EYA1: variants seen among roughly 807,000 people sequenced by gnomAD.
The protein encoded by EYA1 is EYA transcriptional coactivator and phosphatase 1.
In EYA1, 16 loss-of-function variants were observed where a neutral mutation model predicts 82.0. That is an observed-to-expected ratio of 0.20 (90% CI 0.13 to 0.30). EYA1 has a LOEUF of 0.30. Among genes scored for constraint, EYA1 ranks in the 10% least tolerant of loss-of-function variants. EYA1 has a pLI of 1.00. For missense variants in EYA1, 633 were observed against 730.7 expected (o/e 0.87, Z 1.54); for synonymous variants, 261 against 264.4 (o/e 0.99, Z 0.12).
chr8:71,344,549 A>G (rs1221772050), intron 3 of EYA1, among the ~76,000 whole-genome samples: 1 of 152,218 alleles, frequency 6.6e-6, no homozygotes, highest in African/African-American at 2.4e-5. Context: ...TGCTAAATAC[A>G]TAGTCCATGA....
chr8:71,452,676 C>T lies in EYA1; in HGVS notation c.33+83068G>A, dbSNP rs183413063. ...GCAAACAGGGTCTGGAGTGGACCTC[C>T]AGCAAACTCCAATAGACCTGCAGCT... On this transcript the variant is annotated intron_variant, in intron 2 of 18. Coordinates refer to the EYA1 transcript ENST00000643681. Among the ~76,000 whole-genome samples the T allele has an allele frequency of 3.9e-3, 601 of 152,310 alleles. 4 individuals carry two copies. Among genetic ancestry groups the T allele is most frequent in the African/African-American group, 0.014 (585 of 41,578 alleles).
intron 2 of EYA1, among the ~76,000 whole-genome samples, chr8:71,493,780 T>C (rs1039217008): frequency 2.6e-5 from 4 of 151,150 alleles, no homozygotes; most frequent in African/African-American, 4.8e-5. Flanking sequence ...TCCCAGCACT[T>C]TGGGAGGCCG....
At chr8:71,329,947 T>C (rs1182854686) in intron 4 of EYA1, among the ~76,000 whole-genome samples, 4 of 151,808 alleles carry the variant, frequency 2.6e-5, no homozygotes, top group Admixed American at 2.0e-4. Flanking sequence ...GTGGTCAGGG[T>C]GGGCCTCGAT....
chr8:71,347,729 T>A (rs1586486576), intron 3 of EYA1, among the ~76,000 whole-genome samples: 1 of 152,124 alleles, frequency 6.6e-6, no homozygotes, highest in East Asian at 1.9e-4. Flanking sequence ...AATACAATGA[T>A]GAAATGGGTA....
At chr8:71,336,292 C>T (rs919772742) in intron 3 of EYA1, among the ~76,000 whole-genome samples, 4 of 152,194 alleles carry the variant, frequency 2.6e-5, no homozygotes, top group African/African-American at 7.2e-5. Context: ...GAGTGGAAAG[C>T]GAAGTCCCTG....
intron 2 of EYA1, among the ~76,000 whole-genome samples, chr8:71,378,773 G>C (rs765592194): frequency 6.6e-5 from 10 of 152,088 alleles, no homozygotes; most frequent in Non-Finnish European, 1.2e-4. Flanking sequence ...ACATCCTAAA[G>C]TCATAGACAT....
intron 9 of EYA1, among the ~76,000 whole-genome samples, chr8:71,274,890 G>A (rs1816948697): frequency 1.3e-5 from 2 of 151,716 alleles, no homozygotes; most frequent in South Asian, 2.1e-4. Context: ...GTGAGCGAGC[G>A]AGAGAGAGAG....
In EYA1 at chr8:71,356,523, G is replaced by T. The variant is rs1234514602; in HGVS notation, c.-54-12C>A. ...TGAGATGTTTGCACCTGTGATCAGG[G>T]GTAAAAAAATTAGAAGATGTTGTTA... On this transcript the variant is annotated splice_polypyrimidine_tract_variant and intron_variant, in intron 1 of 17. Transcript: ENST00000340726. The T allele has an allele frequency of 6.4e-7, 1 of 1,563,212 alleles. No homozygotes were observed. The highest frequency in any genetic ancestry group is 1.9e-5 in the Admixed American group (1 of 52,372).
At chr8:71,342,075 T>C (rs898277666) in intron 3 of EYA1, among the ~76,000 whole-genome samples, 1 of 152,178 alleles carries the variant, frequency 6.6e-6, no homozygotes, top group African/African-American at 2.4e-5. Context: ...TCCTAACATA[T>C]GCAATCTGAG....
intron 2 of EYA1, among the ~76,000 whole-genome samples, chr8:71,464,390 A>G (rs1013505848): frequency 6.6e-6 from 1 of 152,192 alleles, no homozygotes; most frequent in Non-Finnish European, 1.5e-5. Flanking sequence ...GCCTTGAAGT[A>G]CCTTTCTAAG....
chr8:71,530,341 T>C (rs754894084), intron 2 of EYA1, among the ~76,000 whole-genome samples: 3 of 152,202 alleles, frequency 2.0e-5, no homozygotes, highest in African/African-American at 4.8e-5. Context: ...CCTGCTAACA[T>C]GTTGAATTTG....
intron 2 of EYA1, among the ~76,000 whole-genome samples, chr8:71,479,776 A>G (rs529194589): frequency 1.3e-4 from 20 of 152,184 alleles, no homozygotes; most frequent in Non-Finnish European, 2.8e-4. Context: ...AACAGTGGAT[A>G]GGGTTTCCTA....
chr8:71,479,972 C>T (rs1272110786), intron 2 of EYA1, among the ~76,000 whole-genome samples: 1 of 152,152 alleles, frequency 6.6e-6, no homozygotes, highest in East Asian at 1.9e-4. Flanking sequence ...CCTATTTACT[C>T]TAGTTCCTAA....
intron 7 of EYA1, among the ~76,000 whole-genome samples, chr8:71,302,541 G>A (rs999155066): frequency 8.9e-5 from 9 of 100,920 alleles, no homozygotes; most frequent in Admixed American, 1.8e-4. Flanking sequence ...TTAGTATGCC[G>A]AAACAGGAGT....
intron 2 of EYA1, among the ~76,000 whole-genome samples, chr8:71,466,402 T>C (rs1349403459): frequency 6.6e-6 from 1 of 152,180 alleles, no homozygotes; most frequent in African/African-American, 2.4e-5. Flanking sequence ...ACAGTAGTAG[T>C]AGAAGAGAAT....
intron 7 of EYA1, among the ~76,000 whole-genome samples, chr8:71,313,037 T>C (rs1586311288): frequency 6.6e-6 from 1 of 152,166 alleles, no homozygotes; most frequent in East Asian, 1.9e-4. Context: ...AAGGACTTGG[T>C]TGATGACTGT....
chr8:71,382,127 A>G (rs1389046253), intron 2 of EYA1, among the ~76,000 whole-genome samples: 4 of 152,210 alleles, frequency 2.6e-5, no homozygotes, highest in Non-Finnish European at 5.9e-5. Flanking sequence ...ATAAAACTAG[A>G]CATTTTAGTA....
intron 2 of EYA1, among the ~76,000 whole-genome samples, chr8:71,516,351 G>C (rs1054665508): frequency 5.9e-5 from 9 of 152,108 alleles, no homozygotes; most frequent in African/African-American, 2.2e-4. Context: ...AACTTACTAA[G>C]GGCCACAGTA....
In EYA1 at chr8:71,215,676, A is replaced by G. The variant is rs1408653572; in HGVS notation, c.1413T>C (p.Ile471=). 6.2e-7 allele frequency: 1 copy of G among 1,614,170 alleles called. No individual in the cohort carries two copies. Reference sequence around the variant, plus strand: ...TCAACCAGGAGTCGGTCAGGGCTTCAATTTCGGCCCTCAACTGCAGCCAGG... The same window carrying G: ...TCAACCAGGAGTCGGTCAGGGCTTCGATTTCGGCCCTCAACTGCAGCCAGG... ...REAWLQLRAE[I]EALTDSWLTL... is the part of the protein sequence containing the mutation. Residue 471 remains isoleucine, a synonymous_variant, in exon 15 of 18, where the codon ATT becomes ATC. Transcript: ENST00000340726.
Sources: allele counts gnomAD v4.1 joint callset (sites outside exome capture counted in the v4.1 genomes callset), GRCh38; gene constraint gnomAD v4.1.1; transcripts MANE v1.5; gene names NCBI Gene and HGNC (gene_info 2026-07-23, HGNC 2026-07-21).